Variants in SLC25A48 observed in about 807,000 individuals in gnomAD.
SLC25A48 encodes CTC-321K16.1.
In SLC25A48, 29 loss-of-function variants were observed where a neutral mutation model predicts 32.2. The ratio of observed to expected loss-of-function variants is 0.90; its 90% CI spans 0.67 to 1.23. The LOEUF (loss-of-function observed/expected upper bound fraction) is 1.23. SLC25A48 is among the 50% of genes most tolerant of loss of function. The pLI, the probability that SLC25A48 is intolerant of heterozygous loss-of-function variation, is 0.00. For synonymous variants in SLC25A48, 164 were observed against 172.3 expected, an observed-to-expected ratio of 0.95 and a Z score of 0.38; for missense variants, 399 against 422.7, an observed-to-expected ratio of 0.94 and a Z score of 0.49.
At chr5:135,641,039 G>GAA (rs1320510479) in intron 3 of SLC25A48, among the ~76,000 whole-genome samples, 1 of 152,162 alleles carries the variant, frequency 6.6e-6, no homozygotes, top group African/African-American at 2.4e-5. Context: ...AAATTGGAAA[G>GAA]AAATAGAACT....
chr5:135,661,419 C>A (rs1168854540), intron 3 of SLC25A48, among the ~76,000 whole-genome samples: 5 of 152,148 alleles, frequency 3.3e-5, no homozygotes, highest in Non-Finnish European at 7.4e-5. Flanking sequence ...TTTATGGAGT[C>A]TTTGTGCCCT....
In SLC25A48 at chr5:135,677,220, A is replaced by G. The variant is rs116703347; in HGVS notation, c.-521+42264A>G. Among the ~76,000 whole-genome samples, 1,460 of 151,870 alleles carry G rather than the reference A, an allele frequency of 9.6e-3. 28 individuals carry two copies. The highest frequency in any genetic ancestry group is 0.033 in the African/African-American group (1,372 of 41,474). On this transcript the variant is annotated intron_variant, in intron 3 of 10. Coordinates refer to the SLC25A48 transcript ENST00000646290. ...ATCATGAACTTTTTCTATTCTTTTG[A>G]CTTAAACCTGTTTTATCAGACATAA...
At chr5:135,866,469 G>A (rs995475095) in intron 4 of SLC25A48, among the ~76,000 whole-genome samples, 1 of 152,234 alleles carries the variant, frequency 6.6e-6, no homozygotes, top group African/African-American at 2.4e-5. Context: ...TGGAAAAGGG[G>A]CAATAGTGGT....
At chr5:135,853,797 T>A (rs55653593) in intron 4 of SLC25A48, among the ~76,000 whole-genome samples, 1 of 152,134 alleles carries the variant, frequency 6.6e-6, no homozygotes, top group Non-Finnish European at 1.5e-5. Context: ...TCTAGAATGG[T>A]GAATTTTTTC....
chr5:135,697,313 A>T (rs1269159871), intron 3 of SLC25A48, among the ~76,000 whole-genome samples: 1 of 150,804 alleles, frequency 6.6e-6, no homozygotes, highest in Non-Finnish European at 1.5e-5. Context: ...CTGCCCCTCC[A>T]CAGTGCTATC....
At chr5:135,722,651 T>TA (rs1472884435) in intron 3 of SLC25A48, among the ~76,000 whole-genome samples, 1 of 152,234 alleles carries the variant, frequency 6.6e-6, no homozygotes, top group Non-Finnish European at 1.5e-5. Flanking sequence ...GTGCTTTCTT[T>TA]ACAGTATTAT....
chr5:135,651,179 T>G (rs556283448), intron 3 of SLC25A48, among the ~76,000 whole-genome samples: 7 of 152,250 alleles, frequency 4.6e-5, no homozygotes, highest in African/African-American at 1.4e-4. Context: ...CAGGCTTAGG[T>G]CCTGAGAGCA....
intron 3 of SLC25A48, chr5:135,652,384 C>T: frequency 2.2e-6 from 1 of 456,218 alleles, no homozygotes; most frequent in Middle Eastern, 3.3e-4. Context: ...TCTGCCAGCA[C>T]CACCATCCAT....
At chr5:135,882,493 G>C (rs979292257) in intron 7 of SLC25A48, among the ~76,000 whole-genome samples, 7 of 152,066 alleles carry the variant, frequency 4.6e-5, no homozygotes, top group Non-Finnish European at 7.4e-5. Flanking sequence ...GGACCATCTC[G>C]AGAGTTCCTG....
At chr5:135,695,274 G>A (rs537063773) in intron 3 of SLC25A48, among the ~76,000 whole-genome samples, 8 of 141,560 alleles carry the variant, frequency 5.7e-5, no homozygotes, top group African/African-American at 1.8e-4. Context: ...GCCCTGCTCT[G>A]TCTTCGCAGC....
At chr5:135,809,646 C>T (rs1182174222) in intron 3 of SLC25A48, among the ~76,000 whole-genome samples, 1 of 152,184 alleles carries the variant, frequency 6.6e-6, no homozygotes, top group Non-Finnish European at 1.5e-5. Flanking sequence ...CAACTCTCCC[C>T]CAACCTCTGG....
intron 3 of SLC25A48, among the ~76,000 whole-genome samples, chr5:135,713,084 C>T (rs1479434449): frequency 1.3e-5 from 2 of 152,198 alleles, no homozygotes; most frequent in Non-Finnish European, 2.9e-5. Flanking sequence ...AACCTAAGAA[C>T]TTGCTATGCA....
chr5:135,589,029 C>A (rs1215149615), intron 1 of SLC25A48, among the ~76,000 whole-genome samples: 2 of 152,210 alleles, frequency 1.3e-5, no homozygotes, highest in African/African-American at 4.8e-5. Flanking sequence ...GCACATGGAA[C>A]TTTCCATCCT....
chr5:135,787,426 A>C (rs972732428), intron 3 of SLC25A48, among the ~76,000 whole-genome samples: 1 of 152,026 alleles, frequency 6.6e-6, no homozygotes, highest in Admixed American at 6.6e-5. Context: ...ATTACACCTA[A>C]TATCACAGTG....
chr5:135,708,678 G>A (rs77824798), intron 3 of SLC25A48, among the ~76,000 whole-genome samples: 1 of 152,186 alleles, frequency 6.6e-6, no homozygotes, highest in Non-Finnish European at 1.5e-5. Flanking sequence ...CCCAGAGACT[G>A]GGGTAAGGGC....
At chr5:135,598,413 C>T (rs1751709941) in intron 1 of SLC25A48, among the ~76,000 whole-genome samples, 1 of 152,158 alleles carries the variant, frequency 6.6e-6, no homozygotes, top group African/African-American at 2.4e-5. Context: ...AACATGTTCA[C>T]CCAACCACTC....
At chr5:135,585,828 A>C (rs1033209164) in intron 1 of SLC25A48, among the ~76,000 whole-genome samples, 1 of 152,176 alleles carries the variant, frequency 6.6e-6, no homozygotes, top group African/African-American at 2.4e-5. Context: ...CTGATATAGA[A>C]CAAACATGTT....
chr5:135,674,250 C>T lies in SLC25A48; in HGVS notation c.-521+39294C>T, dbSNP rs192007939. On this transcript the variant is annotated intron_variant, in intron 3 of 10. Transcript: ENST00000646290. ...AGGGTATTTGGAGTGTCCGTCACTT[C>T]GAGTATTTATCATTTCTATGTGTTG... is the stretch of plus-strand genomic sequence containing the variant. Among the ~76,000 whole-genome samples the T allele has an allele frequency of 3.4e-3, 513 of 152,028 alleles. 4 individuals carry two copies. The highest frequency in any genetic ancestry group is 0.031 in the Middle Eastern group (9 of 294).
chr5:135,594,954 A>G (rs1376216212), intron 1 of SLC25A48, among the ~76,000 whole-genome samples: 2 of 152,146 alleles, frequency 1.3e-5, no homozygotes, highest in African/African-American at 4.8e-5. Context: ...GGGTGCTGGA[A>G]GTTCAGTTAA....
Sources: gnomAD v4.1 joint callset for allele counts (sites outside exome capture counted in the v4.1 genomes callset) on GRCh38, gnomAD v4.1.1 for gene constraint, MANE v1.5 for transcripts, NCBI Gene and HGNC (gene_info 2026-07-23, HGNC 2026-07-21) for gene names.